Variants in KIDINS220 observed in about 807,000 individuals in gnomAD.
The protein encoded by KIDINS220 is kinase D interacting substrate 220.
Under a neutral mutation model 157.6 loss-of-function variants are expected in KIDINS220, and 63 were observed. The observed-to-expected ratio is 0.40, with a 90% CI of 0.33 to 0.49. The LOEUF (loss-of-function observed/expected upper bound fraction) is 0.49. Among genes scored for constraint, KIDINS220 ranks in the 20% least tolerant of loss-of-function variants. KIDINS220 has a pLI of 0.66. For missense variants in KIDINS220, 1,772 were observed against 2,171.2 expected (o/e 0.82, Z 3.65); for synonymous variants, 732 against 783.6 (o/e 0.93, Z 1.10).
At chr2:8,724,159 G>A (rs1159659082), downstream of KIDINS220, 2 of 152,418 alleles carry the variant, frequency 1.3e-5, no homozygotes, top group East Asian at 1.9e-4. This position sits in a 1 kb window ranked among gnomAD's most constrained non-coding sequence, Gnocchi z 4.6. Context: ...AAAGCTTACA[G>A]GGGCCAGGCA....
chr2:8,816,707 G>A (rs540128993), intron 4 of KIDINS220, among the ~76,000 whole-genome samples: 11 of 152,146 alleles, frequency 7.2e-5, no homozygotes, highest in South Asian at 2.1e-4. Context: ...TGTCATATCC[G>A]TCTTTGCCTC....
At chr2:8,756,231 A>G (rs939271394) in intron 22 of KIDINS220, among the ~76,000 whole-genome samples, 11 of 152,122 alleles carry the variant, frequency 7.2e-5, no homozygotes, top group Admixed American at 6.6e-4. Flanking sequence ...ATTCTTTTAG[A>G]TGCTACTGTA....
At chr2:8,773,763 C>G (rs1426533801) in intron 21 of KIDINS220, among the ~76,000 whole-genome samples, 1 of 152,090 alleles carries the variant, frequency 6.6e-6, no homozygotes, top group Non-Finnish European at 1.5e-5. Context: ...TGAGCCGGTG[C>G]GCCCAGCCAG....
At chr2:8,791,510 T>A (rs1673185957) in intron 12 of KIDINS220, among the ~76,000 whole-genome samples, 1 of 152,220 alleles carries the variant, frequency 6.6e-6, no homozygotes, top group East Asian at 1.9e-4. Flanking sequence ...ATATGATACA[T>A]CATTTTTATG....
At position 8,819,296 on chromosome 2, in the gene KIDINS220, T is replaced by C. The variant is rs186909141; in HGVS notation, c.109-503A>G. Among the ~76,000 whole-genome samples the C allele has an allele frequency of 4.6e-5, 7 of 152,300 alleles. No homozygotes were observed. In the East Asian group the frequency reaches 1.2e-3, roughly 25 times the overall value. The stretch of plus-strand genomic sequence containing the variant: ...TTTTTTAAAGCCTTCTCTTAGAAAC[T>C]TAGTTCATTAAACTAAATAAAGCTC... On this transcript the variant is annotated intron_variant, in intron 2 of 29. Transcript: ENST00000256707.
chr2:8,744,609 C>T (rs1206971493), intron 26 of KIDINS220, among the ~76,000 whole-genome samples: 1 of 151,014 alleles, frequency 6.6e-6, no homozygotes, highest in African/African-American at 2.4e-5. Context: ...AGAGATGGGA[C>T]CAATGGGAAA....
chr2:8,813,792 C>T (rs1286295944), intron 4 of KIDINS220, among the ~76,000 whole-genome samples: 4 of 152,046 alleles, frequency 2.6e-5, no homozygotes, highest in African/African-American at 4.8e-5. Flanking sequence ...GGCATGGTGG[C>T]GTGTGCCTGT....
At chr2:8,764,349 T>A (rs1447319512) in intron 22 of KIDINS220, among the ~76,000 whole-genome samples, 1 of 152,032 alleles carries the variant, frequency 6.6e-6, no homozygotes, top group Non-Finnish European at 1.5e-5. Flanking sequence ...ACTAAATAAT[T>A]CATCCATGCA....
intron 17 of KIDINS220, among the ~76,000 whole-genome samples, chr2:8,781,634 T>C (rs976797398): frequency 6.6e-6 from 1 of 151,860 alleles, no homozygotes; most frequent in Non-Finnish European, 1.5e-5. Context: ...TCCCAAAACA[T>C]GCAGAGATTT....
intron 22 of KIDINS220, among the ~76,000 whole-genome samples, chr2:8,759,395 A>G (rs917189062): frequency 6.6e-6 from 1 of 151,810 alleles, no homozygotes; most frequent in African/African-American, 2.4e-5. Flanking sequence ...TTTCCCACCG[A>G]GGGTGTATAT....
rs1346146517 is a variant in KIDINS220, at chr2:8,793,448, A to G, written c.1276+362T>C. Among the ~76,000 whole-genome samples, 3 of 152,120 alleles carry G rather than the reference A, an allele frequency of 2.0e-5. No homozygotes were observed. The East Asian group carries it at 5.8e-4, about 29-fold the overall frequency. On this transcript the variant is annotated intron_variant, in intron 12 of 29. Coordinates refer to ENST00000256707, the MANE Select transcript of KIDINS220 (RefSeq NM_020738.4). Reference sequence around the variant, plus strand: ...GAATTTGAGGTTGCAGTGAGCTATGATTGCATCACTGTACTCCAGCCTGGG... The same window carrying G: ...GAATTTGAGGTTGCAGTGAGCTATGGTTGCATCACTGTACTCCAGCCTGGG...
At chr2:8,837,192 C>G (rs755136002) in intron 1 of KIDINS220, among the ~76,000 whole-genome samples, 2 of 152,184 alleles carry the variant, frequency 1.3e-5, no homozygotes, top group Non-Finnish European at 2.9e-5. Flanking sequence ...ACCCTTCACC[C>G]CAACCCACCC....
At chr2:8,800,167 T>A (rs1442034317) in intron 9 of KIDINS220, 1 of 426,658 alleles carries the variant, frequency 2.3e-6, no homozygotes, top group Non-Finnish European at 4.1e-6. Context: ...GTAAGGACAG[T>A]ATATTCTAAA....
At chr2:8,749,720 C>A (rs144534146) in intron 24 of KIDINS220, among the ~76,000 whole-genome samples, 1 of 152,156 alleles carries the variant, frequency 6.6e-6, no homozygotes, top group African/African-American at 2.4e-5. Context: ...TACTAAACTA[C>A]TATAGGAATT....
At chr2:8,804,613 C>T (rs977950212) in intron 7 of KIDINS220, among the ~76,000 whole-genome samples, 10 of 152,104 alleles carry the variant, frequency 6.6e-5, no homozygotes, top group African/African-American at 2.4e-4. Context: ...CTAAAAATAT[C>T]CCAAAAATTA....
chr2:8,826,468 C>T (rs567725477), intron 2 of KIDINS220, among the ~76,000 whole-genome samples: 11 of 152,160 alleles, frequency 7.2e-5, no homozygotes, highest in Admixed American at 2.6e-4. Flanking sequence ...ATTAGCCGAG[C>T]GTGGTGGCAC....
chr2:8,730,759 C>G lies in KIDINS220; in HGVS notation c.5277G>C (p.Glu1759Asp). ...CTCTTTCTTCTCCAAAGCCTGTGCTCTCAGAAGAGGCTGCTGCATGGAGCT... is the reference window on the plus strand; with the variant it reads ...CTCTTTCTTCTCCAAAGCCTGTGCTGTCAGAAGAGGCTGCTGCATGGAGCT... ...PPELHAAASS[E>D]STGFGEERES... is the part of the protein sequence containing the mutation. Residue 1759 changes from glutamate to aspartate, a missense_variant, in exon 30 of 30, where the codon GAG (glutamate) becomes GAC (aspartate). Physicochemically the swap from Glu to Asp is conservative, Grantham distance 45 (BLOSUM62 2). Coordinates refer to ENST00000256707, the MANE Select transcript of KIDINS220 (RefSeq NM_020738.4). 1 of 1,614,210 alleles carries G rather than the reference C, an allele frequency of 6.2e-7. No individual in the cohort carries two copies. Among genetic ancestry groups the G allele is most frequent in the South Asian group, 1.1e-5 (1 of 91,082 alleles).
At position 8,818,688 on chromosome 2, in the gene KIDINS220, T is replaced by C; in HGVS notation, c.207+7A>G. ...GTAAATGATGAGTAAATTATTTTAA[T>C]ATATACCAAATCTTCCAGATTGCAG... On this transcript the variant is annotated splice_region_variant and intron_variant, in intron 3 of 29. Transcript: ENST00000256707. 2.0e-6 allele frequency: 3 copies of C among 1,469,338 alleles called. No homozygotes were observed. Among genetic ancestry groups the C allele is most frequent in the Non-Finnish European group, 2.8e-6 (3 of 1,056,710 alleles). 91.0% of individuals were successfully genotyped at this position (1,469,338 alleles called of 1,614,324 possible).
At chr2:8,725,642 G>A (rs1052096295), downstream of KIDINS220, 7 of 152,154 alleles carry the variant, frequency 4.6e-5, no homozygotes, top group African/African-American at 1.7e-4. Flanking sequence ...TATGGGCAGG[G>A]TACTAAGATC....
Sources: gnomAD v4.1 joint callset for allele counts (sites outside exome capture counted in the v4.1 genomes callset) on GRCh38, gnomAD v4.1.1 for gene constraint, Gnocchi (gnomAD v3.1) non-coding constraint, MANE v1.5 for transcripts, NCBI Gene and HGNC (gene_info 2026-07-23, HGNC 2026-07-21) for gene names.